The following TADA2A variants were observed in gnomAD, a reference collection of about 807,000 sequenced individuals.
The protein encoded by TADA2A is transcriptional adapter 2-alpha.
A neutral mutation model predicts 67.4 loss-of-function variants in TADA2A; 38 were observed. The observed-to-expected ratio is 0.56, with a 90% CI of 0.44 to 0.74. TADA2A has a LOEUF of 0.74. TADA2A is among the 30% of genes least tolerant of loss of function. The pLI is 0.00. For synonymous variants in TADA2A, 192 were observed against 181.6 expected, an observed-to-expected ratio of 1.06 and a Z score of -0.46; for missense variants, 454 against 547.0, an observed-to-expected ratio of 0.83 and a Z score of 1.70.
chr17:37,421,931 T>G (rs1448588014), intron 2 of TADA2A, among the ~76,000 whole-genome samples: 2 of 146,220 alleles, frequency 1.4e-5, no homozygotes, highest in Non-Finnish European at 3.1e-5. Context: ...CAGACTGGAG[T>G]GCAGTGGCGT....
At chr17:37,422,486 T>TTATTATTATTATTA (rs1249586533) in intron 2 of TADA2A, among the ~76,000 whole-genome samples, 10 of 85,626 alleles carry the variant, frequency 1.2e-4, no homozygotes, top group African/African-American at 4.6e-4. Context: ...CAGCTGATTA[T>TTATTATTATTATTA]TATTATTATT....
intron 9 of TADA2A, among the ~76,000 whole-genome samples, chr17:37,459,256 T>C (rs1438868235): frequency 2.0e-5 from 3 of 151,804 alleles, no homozygotes; most frequent in Non-Finnish European, 4.4e-5. Context: ...ACTTTTTTTT[T>C]TTTAATATTT....
At chr17:37,466,247 T>TC (rs1250185245) in intron 11 of TADA2A, among the ~76,000 whole-genome samples, 1 of 152,050 alleles carries the variant, frequency 6.6e-6, no homozygotes, top group Non-Finnish European at 1.5e-5. Flanking sequence ...ATAGTAAAAC[T>TC]CCATCTCTAC....
intron 8 of TADA2A, among the ~76,000 whole-genome samples, chr17:37,457,249 C>G (rs892659157): frequency 7.0e-6 from 1 of 142,736 alleles, no homozygotes; most frequent in African/African-American, 2.6e-5. Context: ...GGTGCCATCT[C>G]GGCTCACTGC....
intron 9 of TADA2A, among the ~76,000 whole-genome samples, chr17:37,459,926 G>C (rs1353879078): frequency 1.3e-5 from 2 of 151,394 alleles, no homozygotes; most frequent in Non-Finnish European, 2.9e-5. Context: ...ATTAGCTGGG[G>C]GTGGTGGTGC....
chr17:37,456,743 T>G (rs947959772), intron 8 of TADA2A, among the ~76,000 whole-genome samples: 2 of 152,170 alleles, frequency 1.3e-5, no homozygotes, highest in East Asian at 3.9e-4. Context: ...AAATTATGCA[T>G]TTTGATGGTA....
intron 3 of TADA2A, chr17:37,426,663 CAGAAAAAAAAAA>C (rs2052416237): frequency 1.0e-5 from 1 of 97,680 alleles, no homozygotes; most frequent in East Asian, 3.9e-4. Flanking sequence ...GACTCCGTCT[CAGAAAAAAAAAA>C]AAAAAAAAAA....
intron 2 of TADA2A, among the ~76,000 whole-genome samples, chr17:37,418,596 CTT>C (rs946056076): frequency 2.8e-5 from 4 of 145,050 alleles, no homozygotes; most frequent in Admixed American, 6.9e-5. Flanking sequence ...TTTTCTTTTT[CTT>C]TTTTTTTTTT....
chr17:37,428,892 A>C (rs748007877), intron 4 of TADA2A, among the ~76,000 whole-genome samples: 21 of 151,938 alleles, frequency 1.4e-4, no homozygotes, highest in South Asian at 6.2e-4. Context: ...TAAAAACACA[A>C]AAAATTAGCC....
intron 12 of TADA2A, among the ~76,000 whole-genome samples, chr17:37,468,324 A>C (rs2053711884): frequency 6.6e-6 from 1 of 152,158 alleles, no homozygotes; most frequent in Non-Finnish European, 1.5e-5. Flanking sequence ...TCTCATGACA[A>C]ACTTATAAAG....
chr17:37,412,226 A>G (rs2051900229), intron 2 of TADA2A, among the ~76,000 whole-genome samples: 1 of 151,638 alleles, frequency 6.6e-6, no homozygotes, highest in South Asian at 2.1e-4. Context: ...AAGAAAAAAA[A>G]AAAAAAAAGA....
At chr17:37,455,010 C>T (rs1475796221) in intron 8 of TADA2A, 10 of 155,838 alleles carry the variant, frequency 6.4e-5, no homozygotes, top group South Asian at 2.0e-4. Context: ...ATTTGAATAA[C>T]GTATTTTAGT....
chr17:37,454,188 G>C (rs577779116), intron 8 of TADA2A: 1 of 153,516 alleles, frequency 6.5e-6, no homozygotes, highest in African/African-American at 2.4e-5. Flanking sequence ...GAGCTATGCA[G>C]TTTCAGCAGG....
chr17:37,472,314 C>T (rs1188739063), intron 14 of TADA2A, among the ~76,000 whole-genome samples: 1 of 152,084 alleles, frequency 6.6e-6, no homozygotes, highest in South Asian at 2.1e-4. Flanking sequence ...GATCTGCCTG[C>T]CTCGGCCTCC....
At chr17:37,458,466 T>A (rs2053454795) in intron 8 of TADA2A, 58 bp from the exon 9 acceptor site, 8 of 1,130,914 alleles carry the variant, frequency 7.1e-6, no homozygotes, top group South Asian at 3.2e-5. Flanking sequence ...TGGTTTTATT[T>A]ATTTATATAA....
chr17:37,472,071 CTT>C (rs985279075), intron 14 of TADA2A, among the ~76,000 whole-genome samples: 5 of 142,440 alleles, frequency 3.5e-5, no homozygotes, highest in African/African-American at 7.7e-5. Context: ...GCGTTAGGGA[CTT>C]TTTTTTTTTT....
chr17:37,410,425 G>A (rs915371355), intron 1 of TADA2A, among the ~76,000 whole-genome samples: 2 of 150,480 alleles, frequency 1.3e-5, no homozygotes, highest in African/African-American at 2.5e-5. Context: ...ATCCTCCCAC[G>A]TCAGCCTCCC....
chr17:37,455,443 G>A (rs928899491), intron 8 of TADA2A, among the ~76,000 whole-genome samples: 6 of 151,690 alleles, frequency 4.0e-5, no homozygotes, highest in South Asian at 2.1e-4. Flanking sequence ...GTGCAGTGGC[G>A]TGATCTCGGT....
In TADA2A at chr17:37,458,520, G is replaced by A. The variant is rs2053457299; in HGVS notation, c.605-4G>A. Reference sequence around the variant, plus strand: ...ATATAGTATATGTATGAATTTATTTGTAGCTCTGAAGATGGCTGTGGTAGA... The same window carrying A: ...ATATAGTATATGTATGAATTTATTTATAGCTCTGAAGATGGCTGTGGTAGA... On this transcript the variant is annotated splice_region_variant and splice_polypyrimidine_tract_variant and intron_variant, in intron 8 of 15. Coordinates refer to ENST00000615182, the MANE Select transcript of TADA2A (RefSeq NM_001166105.3). The A allele has an allele frequency of 1.2e-6, 2 of 1,609,404 alleles. No homozygotes were observed. Among genetic ancestry groups the A allele is most frequent in the Non-Finnish European group, 1.7e-6 (2 of 1,177,198 alleles).
Sources: gnomAD v4.1 joint callset for allele counts (sites outside exome capture counted in the v4.1 genomes callset) on GRCh38, gnomAD v4.1.1 for gene constraint, MANE v1.5 for transcripts, NCBI Gene and HGNC (gene_info 2026-07-23, HGNC 2026-07-21) for gene names.